Variants in SIL1 observed in about 807,000 individuals in gnomAD.
The protein encoded by SIL1 is nucleotide exchange factor SIL1.
Under a neutral mutation model 49.1 loss-of-function variants are expected in SIL1, and 40 were observed. That is an observed-to-expected ratio of 0.81 (90% confidence interval 0.63 to 1.06). The LOEUF (loss-of-function observed/expected upper bound fraction) is 1.06. Ranked by LOEUF, SIL1 falls within the 50% of genes least tolerant of loss-of-function variation. SIL1 has a pLI of 0.00. For synonymous variants in SIL1, 253 were observed against 250.8 expected, an observed-to-expected ratio of 1.01 and a Z score of -0.08; for missense variants, 500 against 572.6, an observed-to-expected ratio of 0.87 and a Z score of 1.29.
chr5:138,974,128 C>A (rs1269038183), intron 7 of SIL1, among the ~76,000 whole-genome samples: 1 of 152,166 alleles, frequency 6.6e-6, no homozygotes, highest in East Asian at 1.9e-4. Flanking sequence ...CCAGGATACA[C>A]TAACATTCCA....
intron 3 of SIL1, chr5:139,107,983 T>C (rs1415575573): frequency 2.0e-5 from 3 of 152,192 alleles, no homozygotes; most frequent in Admixed American, 1.3e-4. Context: ...CCAGGTAGAC[T>C]GACTCTAAAA....
At chr5:139,072,369 C>A (rs973935718) in intron 3 of SIL1, among the ~76,000 whole-genome samples, 1 of 152,018 alleles carries the variant, frequency 6.6e-6, no homozygotes. Context: ...AAGTATATTG[C>A]GAATATAAAA....
chr5:139,054,347 C>G (rs1473442068), intron 3 of SIL1, among the ~76,000 whole-genome samples: 2 of 152,126 alleles, frequency 1.3e-5, no homozygotes, highest in Non-Finnish European at 2.9e-5. Context: ...GAGTTCAAGG[C>G]AGCAATGGGC....
chr5:139,076,536 A>G (rs1769952950), intron 3 of SIL1, among the ~76,000 whole-genome samples: 2 of 152,358 alleles, frequency 1.3e-5, no homozygotes, highest in Admixed American at 6.5e-5. Flanking sequence ...ATACTGATAC[A>G]GTCATTTGCG....
At chr5:139,075,277 G>A (rs13358462) in intron 3 of SIL1, among the ~76,000 whole-genome samples, 3,261 of 152,268 alleles carry the variant, frequency 0.021, 124 homozygotes, top group African/African-American at 0.076. Flanking sequence ...AGTTCTGCCT[G>A]GAGGCAGATG....
chr5:138,951,844 G>C lies in SIL1; in HGVS notation c.808C>G (p.Leu270Val). The change falls in exon 8 of 10, where the codon CTG becomes GTG. Residue 270 changes from leucine (L) to valine (V), a missense_variant. Transcript: ENST00000394817. ...VQVEAIEGGALQKLLVILATE... is the reference protein window; with the variant it reads ...VQVEAIEGGAVQKLLVILATE... ...GCCAGGATGACCAGCAGCTTCTGCA[G>C]GGCTCCCCCTTCGATGGCCTCCACC... 2 of 1,614,060 alleles carry C rather than the reference G, an allele frequency of 1.2e-6. No homozygotes were observed. The highest frequency in any genetic ancestry group is 1.7e-6 in the Non-Finnish European group (2 of 1,180,030).
intron 5 of SIL1, among the ~76,000 whole-genome samples, chr5:139,030,809 G>C (rs1034259714): frequency 2.0e-5 from 3 of 151,994 alleles, no homozygotes; most frequent in Non-Finnish European, 4.4e-5. Context: ...AATTCTAAAT[G>C]TTTCTAATGT....
chr5:139,143,761 A>T lies in SIL1; in HGVS notation c.-10-15908T>A, dbSNP rs147745986. On this transcript the variant is annotated intron_variant, in intron 1 of 9. Coordinates refer to ENST00000394817, the MANE Select transcript of SIL1 (RefSeq NM_022464.5). ...TAAAGTTGCAGGACATAAAACCAAC[A>T]CACAAAAATCAGTTGTATTTCTATA... is the stretch of plus-strand genomic sequence containing the variant. Among the ~76,000 whole-genome samples the T allele has an allele frequency of 2.8e-3, 421 of 152,322 alleles. 4 individuals carry two copies. Among genetic ancestry groups the T allele is most frequent in the African/African-American group, 9.7e-3 (402 of 41,568 alleles).
In SIL1 at chr5:139,026,959, G is replaced by T. The variant is rs886059977; in HGVS notation, c.487C>A (p.Pro163Thr). The T allele has an allele frequency of 1.2e-6, 2 of 1,614,104 alleles. No homozygotes were observed. Among genetic ancestry groups the T allele is most frequent in the Admixed American group, 3.3e-5 (2 of 60,002 alleles). Residue 163 changes from proline to threonine, a missense_variant, in exon 6 of 10, where the codon CCC becomes ACC. Physicochemically the swap from Pro to Thr is conservative, Grantham distance 38. Coordinates refer to ENST00000394817, the MANE Select transcript of SIL1 (RefSeq NM_022464.5). ...AAGTCTTTCTTCAGTTCCTCAATGGGGCGGAAGAGCCGCTTTACCTCAGCC... is the reference window on the plus strand; with the variant it reads ...AAGTCTTTCTTCAGTTCCTCAATGGTGCGGAAGAGCCGCTTTACCTCAGCC... ...RQAEVKRLFR[P>T]IEELKKDFDE...
chr5:139,128,423 T>C (rs1357313091), intron 1 of SIL1, among the ~76,000 whole-genome samples: 2 of 152,030 alleles, frequency 1.3e-5, no homozygotes, highest in Non-Finnish European at 2.9e-5. Context: ...GAGGATCACT[T>C]GAGGCCAGAA....
At chr5:139,013,447 T>A (rs1344008953) in intron 7 of SIL1, 2 of 152,210 alleles carry the variant, frequency 1.3e-5, no homozygotes, top group African/African-American at 2.4e-5. Context: ...ATGATTCCTG[T>A]TGAAACCAAG....
At position 138,951,847 on chromosome 5, in the gene SIL1, C is replaced by T; in HGVS notation, c.805G>A (p.Ala269Thr). The change falls in exon 8 of 10, where the codon GCC becomes ACC. Residue 269 changes from alanine to threonine, a missense_variant. Transcript: ENST00000394817. ...AGGATGACCAGCAGCTTCTGCAGGG[C>T]TCCCCCTTCGATGGCCTCCACCTGG... is the stretch of plus-strand genomic sequence containing the variant. ...KVQVEAIEGG[A>T]LQKLLVILAT... is the part of the protein sequence containing the mutation. 3 of 1,614,054 alleles carry T rather than the reference C, an allele frequency of 1.9e-6. No individual in the cohort carries two copies. The South Asian group carries it at 3.3e-5, about 18-fold the overall frequency.
intron 7 of SIL1, among the ~76,000 whole-genome samples, chr5:139,004,572 TTTC>T (rs1241944365): frequency 6.6e-6 from 1 of 152,194 alleles, no homozygotes; most frequent in Non-Finnish European, 1.5e-5. Context: ...CTTTAGGTAA[TTTC>T]TTCCATTCTA....
At chr5:139,029,652 C>A (rs1768741893) in intron 5 of SIL1, among the ~76,000 whole-genome samples, 1 of 151,708 alleles carries the variant, frequency 6.6e-6, no homozygotes, top group African/African-American at 2.4e-5. Context: ...GCACAAGTCA[C>A]CACGCCTGGC....
chr5:139,045,193 C>G (rs1199416906), intron 4 of SIL1, among the ~76,000 whole-genome samples: 1 of 151,900 alleles, frequency 6.6e-6, no homozygotes, highest in East Asian at 1.9e-4. Context: ...TCTGTCTCTA[C>G]AAAAAAATTG....
At chr5:139,170,962 C>G (rs1334246684) in intron 1 of SIL1, among the ~76,000 whole-genome samples, 3 of 148,468 alleles carry the variant, frequency 2.0e-5, no homozygotes, top group African/African-American at 7.4e-5. Flanking sequence ...GGGGGTCAGT[C>G]CCCCGCCCGG....
At chr5:139,092,592 C>T (rs906696257) in intron 3 of SIL1, among the ~76,000 whole-genome samples, 7 of 152,134 alleles carry the variant, frequency 4.6e-5, no homozygotes, top group Non-Finnish European at 1.0e-4. Flanking sequence ...GGCCTTTGTT[C>T]AGAGAACACC....
rs183067183 is a variant in SIL1 at position 139,050,883 on chromosome 5, A to C, written c.353+55T>G. ...ATTTGGGTAACATTTTAAGTATTAC[A>C]ATACAAAATCAACGTTATCACTTAG... On this transcript the variant is annotated intron_variant, in intron 4 of 9. Coordinates refer to ENST00000394817, the MANE Select transcript of SIL1 (RefSeq NM_022464.5). 7.7e-5 allele frequency: 107 copies of C among 1,397,700 alleles called. No homozygotes were observed. The African/African-American group carries it at 1.4e-3, about 18-fold the overall frequency. 86.6% of individuals were successfully genotyped at this position (1,397,700 alleles called of 1,614,324 possible).
intron 7 of SIL1, among the ~76,000 whole-genome samples, chr5:138,981,213 C>CAA (rs35272334): frequency 8.8e-6 from 1 of 113,540 alleles, no homozygotes; most frequent in East Asian, 2.9e-4. Context: ...ACTCTGTCTC[C>CAA]AAAAAAAAAA....
Sources: allele counts gnomAD v4.1 joint callset (sites outside exome capture counted in the v4.1 genomes callset), GRCh38; gene constraint gnomAD v4.1.1; transcripts MANE v1.5; gene names NCBI Gene and HGNC (gene_info 2026-07-23, HGNC 2026-07-21).